Variants in TRPM3 observed in about 807,000 individuals in gnomAD.
TRPM3 encodes the protein long transient receptor potential channel 3.
TRPM3 carries 77 observed loss-of-function variants against 181.2 expected under a neutral mutation model. The ratio of observed to expected loss-of-function variants is 0.42; its 90% CI spans 0.35 to 0.51. The LOEUF is 0.51. TRPM3 is among the 20% of genes least tolerant of loss of function. The pLI is 0.01. For synonymous variants in TRPM3, 745 were observed against 796.4 expected, an observed-to-expected ratio of 0.94 and a Z score of 1.09; for missense variants, 1,759 against 2,196.7, an observed-to-expected ratio of 0.80 and a Z score of 3.98.
intron 1 of TRPM3, among the ~76,000 whole-genome samples, chr9:71,209,232 A>T (rs1351123109): frequency 6.6e-6 from 1 of 152,140 alleles, no homozygotes; most frequent in Non-Finnish European, 1.5e-5. Flanking sequence ...TTTATAAGCA[A>T]AATGATTTCT....
chr9:70,529,389 C>A lies in TRPM3; in HGVS notation c.*6564G>T, dbSNP rs1231572666. ...TAAAAATGATATCTGAATAATTTCC[C>A]CCATTATAAACTAGGGTTAGAACGT... is the stretch of plus-strand genomic sequence containing the variant. On this transcript the variant is annotated 3_prime_UTR_variant, in exon 26 of 26. Transcript: ENST00000677713. The A allele has an allele frequency of 6.6e-6, 1 of 152,096 alleles. No individual in the cohort carries two copies. Among genetic ancestry groups the A allele is most frequent in the Admixed American group, 6.5e-5 (1 of 15,276 alleles). The allele number at this position is 152,096 out of a possible 1,614,324, so 9.4% of individuals were successfully genotyped here.
chr9:70,831,290 A>G (rs2093880324), intron 5 of TRPM3, among the ~76,000 whole-genome samples: 1 of 152,174 alleles, frequency 6.6e-6, no homozygotes, highest in Non-Finnish European at 1.5e-5. Context: ...TTAAAAAAAT[A>G]ATGTATTTTA....
chr9:71,320,598 C>T (rs1927942), intron 1 of TRPM3, among the ~76,000 whole-genome samples: 4,415 of 152,274 alleles, frequency 0.029, 94 homozygotes, highest in South Asian at 0.06. Context: ...GATTAACTCC[C>T]TTGACCCAGT....
At chr9:70,590,308 T>TTA (rs1208237663) in intron 22 of TRPM3, among the ~76,000 whole-genome samples, 1 of 152,198 alleles carries the variant, frequency 6.6e-6, no homozygotes, top group African/African-American at 2.4e-5. Flanking sequence ...AAAGGAGTGT[T>TTA]TATTACAGAG....
At chr9:71,079,065 C>T (rs1026337038) in intron 1 of TRPM3, among the ~76,000 whole-genome samples, 7 of 152,048 alleles carry the variant, frequency 4.6e-5, no homozygotes, top group African/African-American at 1.7e-4. Context: ...TTCATACCTG[C>T]CTTGAATTCT....
At chr9:71,421,029 A>AGAG (rs2093763634) in intron 1 of TRPM3, among the ~76,000 whole-genome samples, 1 of 149,632 alleles carries the variant, frequency 6.7e-6, no homozygotes, top group Non-Finnish European at 1.5e-5. Flanking sequence ...AAGAGAGAAA[A>AGAG]AGAAAAAGAG....
At chr9:71,148,907 T>G (rs2075578859) in intron 1 of TRPM3, among the ~76,000 whole-genome samples, 1 of 152,064 alleles carries the variant, frequency 6.6e-6, no homozygotes, top group African/African-American at 2.4e-5. Flanking sequence ...GTATCAAAAC[T>G]TAAATGAGGA....
intron 1 of TRPM3, among the ~76,000 whole-genome samples, chr9:71,347,932 G>C (rs149207759): frequency 6.6e-6 from 1 of 152,022 alleles, no homozygotes; most frequent in African/African-American, 2.4e-5. Flanking sequence ...TGCAAATAGG[G>C]CTGATTGATT....
At chr9:71,268,712 C>T (rs1053051881) in intron 1 of TRPM3, among the ~76,000 whole-genome samples, 37 of 152,052 alleles carry the variant, frequency 2.4e-4, no homozygotes, top group Admixed American at 1.4e-3. Flanking sequence ...ATCCCAGCTA[C>T]TCAGTTGGCT....
At chr9:70,620,486 G>A in intron 15 of TRPM3, 121 bp from the exon 16 acceptor site, 1 of 1,109,046 alleles carries the variant, frequency 9.0e-7, no homozygotes, top group South Asian at 1.6e-5. Context: ...AACGAGGCCA[G>A]CTCCTGTCCT....
intron 19 of TRPM3, among the ~76,000 whole-genome samples, chr9:70,606,828 A>T (rs2061251273): frequency 6.6e-6 from 1 of 151,742 alleles, no homozygotes; most frequent in Non-Finnish European, 1.5e-5. Flanking sequence ...CATGCTTCTT[A>T]AACTAACTAT....
chr9:71,295,184 A>G lies in TRPM3; in HGVS notation c.183+151469T>C, dbSNP rs138634143. Reference sequence around the variant, plus strand: ...GTATGAGCAATATAGGTCTCTCAATATAAACCTTGCTGATTCATTATGCAA... The same window carrying G: ...GTATGAGCAATATAGGTCTCTCAATGTAAACCTTGCTGATTCATTATGCAA... On this transcript the variant is annotated intron_variant, in intron 1 of 24. Coordinates refer to the TRPM3 transcript ENST00000357533. 7.8e-3 allele frequency among the ~76,000 whole-genome samples: 1,182 copies of G among 152,304 alleles called. 22 individuals carry two copies. Among genetic ancestry groups the G allele is most frequent in the African/African-American group, 0.027 (1,124 of 41,568 alleles).
At chr9:71,031,986 AT>A (rs1405459756) in intron 1 of TRPM3, among the ~76,000 whole-genome samples, 13 of 474 alleles carry the variant, frequency 0.027, no homozygotes, top group South Asian at 0.2. Context: ...ATATATATAT[AT>A]TATATATATA....
chr9:71,422,980 C>T (rs1380854485), intron 1 of TRPM3, among the ~76,000 whole-genome samples: 3 of 152,084 alleles, frequency 2.0e-5, no homozygotes, highest in African/African-American at 7.2e-5. Flanking sequence ...ATTGACAATG[C>T]AAAACCTTCT....
At chr9:71,003,431 G>A (rs1714705351) in intron 1 of TRPM3, among the ~76,000 whole-genome samples, 1 of 150,590 alleles carries the variant, frequency 6.6e-6, no homozygotes, top group African/African-American at 2.4e-5. Context: ...ACTTGTTAAG[G>A]TATATTTTTG....
At chr9:70,913,998 G>C (rs963974709) in intron 1 of TRPM3, among the ~76,000 whole-genome samples, 1 of 152,148 alleles carries the variant, frequency 6.6e-6, no homozygotes, top group Admixed American at 6.5e-5. Context: ...AAATAACTTA[G>C]ATCACAGCCT....
intron 11 of TRPM3, among the ~76,000 whole-genome samples, chr9:70,638,553 A>G (rs1283380170): frequency 6.6e-6 from 1 of 152,080 alleles, no homozygotes; most frequent in East Asian, 1.9e-4. Flanking sequence ...TTACTAAGCT[A>G]AAAAACAAAA....
At chr9:70,884,533 GCTT>G (rs1441903602) in intron 1 of TRPM3, among the ~76,000 whole-genome samples, 3 of 152,192 alleles carry the variant, frequency 2.0e-5, no homozygotes, top group Middle Eastern at 3.2e-3. Flanking sequence ...TGGCAAAGCT[GCTT>G]CTTATTACAG....
chr9:71,231,214 G>A (rs566866736), intron 1 of TRPM3, among the ~76,000 whole-genome samples: 89 of 152,230 alleles, frequency 5.8e-4, no homozygotes, highest in African/African-American at 2.1e-3. Context: ...ATCTTGAGGT[G>A]GGGAGATTAT....
Sources: allele counts gnomAD v4.1 joint callset (sites outside exome capture counted in the v4.1 genomes callset), GRCh38; gene constraint gnomAD v4.1.1; transcripts MANE v1.5; gene names NCBI Gene and HGNC (gene_info 2026-07-23, HGNC 2026-07-21).